Variants in ROR1 observed in about 807,000 individuals in gnomAD.
ROR1 encodes inactive tyrosine-protein kinase transmembrane receptor ROR1.
In ROR1, 19 loss-of-function variants were observed where a neutral mutation model predicts 78.8. That is an observed-to-expected ratio of 0.24 (90% CI 0.17 to 0.35). ROR1 has a LOEUF of 0.35. ROR1 is among the 10% of genes least tolerant of loss of function. ROR1 has a pLI of 1.00. For synonymous variants in ROR1, 386 were observed against 433.6 expected (o/e 0.89, Z 1.36); for missense variants, 917 against 1,177.8 (o/e 0.78, Z 3.24).
At chr1:63,845,649 A>G (rs1645076056) in intron 1 of ROR1, among the ~76,000 whole-genome samples, 1 of 152,098 alleles carries the variant, frequency 6.6e-6, no homozygotes. Context: ...CTTGTTTGCC[A>G]CTGCCTGCCT....
At chr1:64,134,745 A>C (rs1031637177) in intron 4 of ROR1, among the ~76,000 whole-genome samples, 1 of 140,738 alleles carries the variant, frequency 7.1e-6, no homozygotes, top group Admixed American at 7.0e-5. Context: ...AGATTCTTTC[A>C]TTCTTTTTTT....
chr1:63,868,124 G>A lies in ROR1; in HGVS notation c.91+93616G>A, dbSNP rs528235563. Among the ~76,000 whole-genome samples the A allele has an allele frequency of 2.9e-4, 43 of 150,352 alleles. 1 individual carries two copies. The highest frequency in any genetic ancestry group is 1.6e-3 in the Admixed American group (24 of 15,184). On this transcript the variant is annotated intron_variant, in intron 1 of 8. Transcript: ENST00000371079. ...ATTAAAGATTCAGAGAAATACTAGC[G>A]CAGTTTTTGTTGTTGTTGTTGTTGT...
chr1:63,785,497 T>TA (rs1318563060), intron 1 of ROR1, among the ~76,000 whole-genome samples: 17 of 147,618 alleles, frequency 1.2e-4, no homozygotes, highest in Admixed American at 4.0e-4. Flanking sequence ...TATATATATA[T>TA]TTTATTTATT....
chr1:63,783,151 T>C (rs542300066), intron 1 of ROR1, among the ~76,000 whole-genome samples: 3 of 151,554 alleles, frequency 2.0e-5, no homozygotes, highest in African/African-American at 7.3e-5. Flanking sequence ...GATGGGAGAG[T>C]GAAGAAAAGA....
intron 1 of ROR1, among the ~76,000 whole-genome samples, chr1:63,966,302 C>T (rs1646075304): frequency 6.6e-6 from 1 of 152,158 alleles, no homozygotes; most frequent in African/African-American, 2.4e-5. Flanking sequence ...GGCTGTGCCT[C>T]CTGGGTCTCC....
chr1:63,955,447 G>A (rs929076667), intron 1 of ROR1, among the ~76,000 whole-genome samples: 10 of 151,954 alleles, frequency 6.6e-5, no homozygotes, highest in Non-Finnish European at 1.5e-4. Flanking sequence ...CAGATTCTTT[G>A]CCCTTTGGAC....
At chr1:63,919,626 G>C (rs1645638417) in intron 1 of ROR1, among the ~76,000 whole-genome samples, 1 of 151,952 alleles carries the variant, frequency 6.6e-6, no homozygotes, top group African/African-American at 2.4e-5. Context: ...TGGAAGACGA[G>C]ATATTGGTTT....
intron 4 of ROR1, among the ~76,000 whole-genome samples, chr1:64,073,218 A>T (rs907017821): frequency 6.6e-6 from 1 of 152,144 alleles, no homozygotes. Context: ...CTGGGCTAAG[A>T]GAGTGGAAGG....
At chr1:64,154,260 C>T (rs1175414768) in intron 7 of ROR1, among the ~76,000 whole-genome samples, 9 of 152,260 alleles carry the variant, frequency 5.9e-5, no homozygotes, top group Admixed American at 2.0e-4. Flanking sequence ...CTCTCTCTCT[C>T]GCCTTCCAGG....
intron 1 of ROR1, among the ~76,000 whole-genome samples, chr1:63,903,770 T>TA (rs1645504590): frequency 6.6e-6 from 1 of 151,942 alleles, no homozygotes; most frequent in African/African-American, 2.4e-5. Flanking sequence ...GATATATTTT[T>TA]ATATATAGAT....
intron 4 of ROR1, among the ~76,000 whole-genome samples, chr1:64,134,154 T>A (rs1219852031): frequency 6.6e-6 from 1 of 152,192 alleles, no homozygotes; most frequent in East Asian, 1.9e-4. Context: ...TTCTCTATGC[T>A]TTCTGAGTCT....
At chr1:64,153,173 G>A (rs941650987) in intron 7 of ROR1, among the ~76,000 whole-genome samples, 4 of 152,100 alleles carry the variant, frequency 2.6e-5, no homozygotes, top group African/African-American at 9.7e-5. Context: ...ATGAAAAGAT[G>A]TTCAATATCA....
intron 1 of ROR1, among the ~76,000 whole-genome samples, chr1:63,903,057 T>C (rs1414615340): frequency 6.6e-6 from 1 of 152,162 alleles, no homozygotes; most frequent in Non-Finnish European, 1.5e-5. Context: ...GCCAAAACCA[T>C]GTCACATGAC....
chr1:64,082,740 A>G (rs60667511), intron 4 of ROR1, among the ~76,000 whole-genome samples: 22,605 of 152,200 alleles, frequency 0.15, 1,769 homozygotes, highest in Middle Eastern at 0.2. Flanking sequence ...CACTAGGCTG[A>G]CCCAGATTCT....
intron 1 of ROR1, chr1:63,789,350 G>C: frequency 2.5e-6 from 1 of 407,708 alleles, no homozygotes; most frequent in Admixed American, 3.2e-5. Context: ...ATATTGACTT[G>C]ATTCCTCCCA....
chr1:63,950,660 A>G (rs1383485948), intron 1 of ROR1, among the ~76,000 whole-genome samples: 1 of 152,180 alleles, frequency 6.6e-6, no homozygotes, highest in African/African-American at 2.4e-5. Context: ...CCCAATGCCT[A>G]TTCAAGATGG....
chr1:64,068,834 CT>C (rs1646978849), intron 4 of ROR1, among the ~76,000 whole-genome samples: 1 of 152,072 alleles, frequency 6.6e-6, no homozygotes, highest in Admixed American at 6.5e-5. Flanking sequence ...ATTGACATTT[CT>C]TTGTGAATTT....
At chr1:64,133,070 T>C (rs936895718) in intron 4 of ROR1, among the ~76,000 whole-genome samples, 7 of 152,074 alleles carry the variant, frequency 4.6e-5, no homozygotes, top group Non-Finnish European at 7.4e-5. Context: ...TGTGGAATGG[T>C]TTGATGAAAG....
At chr1:63,884,216 G>A (rs564818597) in intron 1 of ROR1, among the ~76,000 whole-genome samples, 4 of 152,268 alleles carry the variant, frequency 2.6e-5, no homozygotes, top group Middle Eastern at 3.4e-3. Flanking sequence ...TGATTCCCAC[G>A]TGGAGGGTGG....
Sources: allele counts gnomAD v4.1 joint callset (sites outside exome capture counted in the v4.1 genomes callset), GRCh38; gene constraint gnomAD v4.1.1; transcripts MANE v1.5; gene names NCBI Gene and HGNC (gene_info 2026-07-23, HGNC 2026-07-21).